The following DPYD variants were observed in gnomAD, a reference collection of about 807,000 sequenced individuals.
The protein encoded by DPYD is dihydropyrimidine dehydrogenase.
In DPYD, 109 loss-of-function variants were observed where a neutral mutation model predicts 116.2. That is an observed-to-expected ratio of 0.94 (90% CI 0.80 to 1.10). The LOEUF (loss-of-function observed/expected upper bound fraction) is 1.10. DPYD is among the 50% of genes least tolerant of loss of function. The pLI is 0.00. For missense variants in DPYD, 1,302 were observed against 1,254.5 expected, an observed-to-expected ratio of 1.04 and a Z score of -0.57; for synonymous variants, 440 against 432.0, an observed-to-expected ratio of 1.02 and a Z score of -0.23.
At chr1:97,324,947 C>T (rs1211724662) in intron 16 of DPYD, among the ~76,000 whole-genome samples, 1 of 152,000 alleles carries the variant, frequency 6.6e-6, no homozygotes, top group African/African-American at 2.4e-5. Flanking sequence ...ATTCTCAATA[C>T]CTGCATGATT....
intron 8 of DPYD, among the ~76,000 whole-genome samples, chr1:97,657,608 G>C (rs1205489684): frequency 6.6e-6 from 1 of 152,062 alleles, no homozygotes; most frequent in Non-Finnish European, 1.5e-5. Flanking sequence ...TTAATACATT[G>C]TGTGTAAATG....
intron 5 of DPYD, chr1:97,720,744 G>T (rs1444453970): frequency 7.7e-6 from 11 of 1,437,292 alleles, no homozygotes; most frequent in Non-Finnish European, 1.0e-5. Flanking sequence ...TGACCTTCTA[G>T]CCAACTAGTC....
chr1:97,497,030 A>G (rs17116766), intron 13 of DPYD, among the ~76,000 whole-genome samples: 4,018 of 151,950 alleles, frequency 0.026, 190 homozygotes, highest in African/African-American at 0.092. Flanking sequence ...AAGCTCTTAG[A>G]CTCAAGCTAG....
chr1:97,361,802 C>T (rs1212512423), intron 16 of DPYD, among the ~76,000 whole-genome samples: 1 of 152,174 alleles, frequency 6.6e-6, no homozygotes, highest in Non-Finnish European at 1.5e-5. Flanking sequence ...TGGAACATAT[C>T]TCAAAATAAT....
intron 12 of DPYD, among the ~76,000 whole-genome samples, chr1:97,526,839 C>A (rs1332159387): frequency 3.9e-5 from 6 of 152,146 alleles, no homozygotes; most frequent in Non-Finnish European, 5.9e-5. Flanking sequence ...AAATGTTTTT[C>A]TATTTTATTC....
At position 97,839,310 on chromosome 1, in the gene DPYD, T is replaced by C. The variant is rs140718686; in HGVS notation, c.151-11114A>G. Among the ~76,000 whole-genome samples, 9 of 152,350 alleles carry C rather than the reference T, an allele frequency of 5.9e-5. No homozygotes were observed. In the East Asian group the frequency reaches 1.2e-3, roughly 20 times the overall value. ...TTTATAAGAACTGAATACAAAGTTATGTAACAATAATTTTCTGTCTCCAAC... is the reference window on the plus strand; with the variant it reads ...TTTATAAGAACTGAATACAAAGTTACGTAACAATAATTTTCTGTCTCCAAC... On this transcript the variant is annotated intron_variant, in intron 2 of 22. Transcript: ENST00000370192.
chr1:97,150,408 G>A (rs528722350), intron 20 of DPYD, among the ~76,000 whole-genome samples: 1 of 152,228 alleles, frequency 6.6e-6, no homozygotes, highest in East Asian at 1.9e-4. Flanking sequence ...ATAAACATTT[G>A]CTGGATGGAT....
At chr1:97,176,963 T>C (rs1657325460) in intron 20 of DPYD, among the ~76,000 whole-genome samples, 1 of 151,748 alleles carries the variant, frequency 6.6e-6, no homozygotes, top group Non-Finnish European at 1.5e-5. Flanking sequence ...ATTGTTTATC[T>C]CCAGGCCTTT....
intron 16 of DPYD, among the ~76,000 whole-genome samples, chr1:97,353,096 A>T (rs1670235100): frequency 6.6e-6 from 1 of 152,222 alleles, no homozygotes; most frequent in African/African-American, 2.4e-5. Flanking sequence ...ATGACAGGAA[A>T]AGAGCAGCAT....
At chr1:97,791,986 T>C (rs1276648057) in intron 3 of DPYD, among the ~76,000 whole-genome samples, 1 of 152,066 alleles carries the variant, frequency 6.6e-6, no homozygotes, top group Admixed American at 6.6e-5. Flanking sequence ...GAGAAACCAA[T>C]TACAAAAAAA....
chr1:97,524,819 T>A (rs2102001698), intron 12 of DPYD, among the ~76,000 whole-genome samples: 1 of 152,318 alleles, frequency 6.6e-6, no homozygotes, highest in Non-Finnish European at 1.5e-5. Flanking sequence ...CTCCTCTGAT[T>A]AGATTGTTGC....
intron 16 of DPYD, among the ~76,000 whole-genome samples, chr1:97,310,956 T>C (rs1301617471): frequency 6.6e-6 from 1 of 151,722 alleles, no homozygotes; most frequent in Non-Finnish European, 1.5e-5. Flanking sequence ...CAACTTGGAA[T>C]TAATAAAACA....
At chr1:97,907,049 G>A (rs953038149) in intron 1 of DPYD, among the ~76,000 whole-genome samples, 8 of 152,170 alleles carry the variant, frequency 5.3e-5, no homozygotes, top group Non-Finnish European at 1.2e-4. Flanking sequence ...TAGCAGGCAG[G>A]GAGCTTAGAA....
Position 97,382,377 on chromosome 1 carries a change from C to A in DPYD, c.1974+16G>T. 6.5e-7 allele frequency: 1 copy of A among 1,528,614 alleles called. No individual in the cohort carries two copies. The highest frequency in any genetic ancestry group is 9.0e-7 in the Non-Finnish European group (1 of 1,115,174). The allele number at this position is 1,528,614 out of a possible 1,614,324, so 94.7% of individuals were successfully genotyped here. ...AGAGAAGAAATAAAATAAATATATA[C>A]TAAAGTAACCATTACCTCAGACTTC... On this transcript the variant is annotated intron_variant, in intron 15 of 22. Transcript: ENST00000370192.
intron 8 of DPYD, among the ~76,000 whole-genome samples, chr1:97,664,083 G>A (rs1161972839): frequency 6.6e-6 from 1 of 152,130 alleles, no homozygotes; most frequent in East Asian, 1.9e-4. Flanking sequence ...TCACAGATCA[G>A]GAACTTGGTA....
chr1:97,397,327 G>A (rs4428925), intron 14 of DPYD, among the ~76,000 whole-genome samples: 29,095 of 151,734 alleles, frequency 0.19, 2,949 homozygotes, highest in South Asian at 0.36. Context: ...ATATATATAT[G>A]GTATGTCTTA....
chr1:97,203,014 A>G (rs1659318755), intron 19 of DPYD, among the ~76,000 whole-genome samples: 1 of 152,134 alleles, frequency 6.6e-6, no homozygotes, highest in Non-Finnish European at 1.5e-5. Context: ...GGAGTCTTCT[A>G]CACACCAGGA....
intron 12 of DPYD, among the ~76,000 whole-genome samples, chr1:97,524,080 C>G (rs895037865): frequency 6.6e-6 from 1 of 151,754 alleles, no homozygotes; most frequent in African/African-American, 2.4e-5. Context: ...TCATGAAGGC[C>G]AAGGGTTGAA....
intron 22 of DPYD, among the ~76,000 whole-genome samples, chr1:97,081,679 A>G (rs1277431176): frequency 6.6e-6 from 1 of 150,678 alleles, no homozygotes; most frequent in Admixed American, 6.6e-5. Context: ...TCAAATCCCC[A>G]ATTTTTCTTT....
Sources: allele counts gnomAD v4.1 joint callset (sites outside exome capture counted in the v4.1 genomes callset), GRCh38; gene constraint gnomAD v4.1.1; transcripts MANE v1.5; gene names NCBI Gene and HGNC (gene_info 2026-07-23, HGNC 2026-07-21).